Variants in PPM1B observed in about 807,000 individuals in gnomAD.
The protein encoded by PPM1B is protein phosphatase, Mg2+/Mn2+ dependent 1B.
PPM1B carries 22 observed loss-of-function variants against 43.0 expected under a neutral mutation model. The ratio of observed to expected loss-of-function variants is 0.51; its 90% confidence interval spans 0.37 to 0.73. The LOEUF is 0.73. PPM1B is among the 30% of genes least tolerant of loss of function. The pLI is 0.00. For missense variants in PPM1B, 632 were observed against 584.2 expected (o/e 1.08, Z -0.84); for synonymous variants, 217 against 197.9 (o/e 1.10, Z -0.81).
chr2:44,213,267 A>G (rs1000045112), intron 3 of PPM1B, among the ~76,000 whole-genome samples: 1 of 151,394 alleles, frequency 6.6e-6, no homozygotes, highest in Non-Finnish European at 1.5e-5. Flanking sequence ...GAGGACTTTG[A>G]TATCATACCA....
chr2:44,181,472 G>A (rs1327925069), intron 1 of PPM1B, among the ~76,000 whole-genome samples: 1 of 152,194 alleles, frequency 6.6e-6, no homozygotes, highest in Non-Finnish European at 1.5e-5. Context: ...TCTGTAGGTG[G>A]ATTAGAGGAA....
rs1668923027 is a variant in PPM1B, at chr2:44,201,321, C to T, written c.122C>T (p.Thr41Ile). ...GWRVEMEDAH[T>I]AVVGIPHGLE... ...AGAGTGGAAATGGAAGATGCACACA[C>T]AGCTGTTGTAGGTATTCCTCACGGC... The change falls in exon 2 of 6, where the codon ACA becomes ATA. Residue 41 changes from threonine (T) to isoleucine (I), a missense_variant. This residue lies in a region of PPM1B where 200 missense variants were observed against 200.7 expected (regional missense o/e 1.00). Coordinates refer to ENST00000282412, the MANE Select transcript of PPM1B (RefSeq NM_002706.6). This position sits in a 1 kb window ranked among gnomAD's most constrained non-coding sequence, Gnocchi z 5.4. 1 of 1,614,082 alleles carries T rather than the reference C, an allele frequency of 6.2e-7. No individual in the cohort carries two copies. The highest frequency in any genetic ancestry group is 8.5e-7 in the Non-Finnish European group (1 of 1,180,042).
In PPM1B at chr2:44,208,636, C is replaced by T. The variant is rs762496219; in HGVS notation, c.847-574C>T. ...GCTGAGGCAGGAGAATTGCTTGAACCTGGGAGGCGGAGGTTGCAGTGAGCC... is the reference window on the plus strand; with the variant it reads ...GCTGAGGCAGGAGAATTGCTTGAACTTGGGAGGCGGAGGTTGCAGTGAGCC... On this transcript the variant is annotated intron_variant, in intron 2 of 5. Transcript: ENST00000282412. Among the ~76,000 whole-genome samples, 6 of 152,160 alleles carry T rather than the reference C, an allele frequency of 3.9e-5. No individual in the cohort carries two copies. The East Asian group carries it at 7.7e-4, about 20-fold the overall frequency.
At chr2:44,224,983 C>T (rs1319841010) in intron 5 of PPM1B, among the ~76,000 whole-genome samples, 2 of 152,122 alleles carry the variant, frequency 1.3e-5, no homozygotes, top group African/African-American at 2.4e-5. Context: ...ATGTATTCAA[C>T]AGAGCGCAAA....
At chr2:44,228,002 A>C (rs562971646) in intron 5 of PPM1B, among the ~76,000 whole-genome samples, 17 of 142,920 alleles carry the variant, frequency 1.2e-4, no homozygotes, top group African/African-American at 4.2e-4. Context: ...GGTCACTGCA[A>C]CCTCCGCCCT....
At chr2:44,190,142 T>A (rs1668336118) in intron 1 of PPM1B, among the ~76,000 whole-genome samples, 1 of 149,316 alleles carries the variant, frequency 6.7e-6, no homozygotes, top group Admixed American at 7.0e-5. Context: ...GTAGAGAAAT[T>A]TGAGTTTATT....
intron 2 of PPM1B, 107 bp downstream of exon 2, chr2:44,202,152 G>A (rs1668969544): frequency 2.6e-6 from 3 of 1,138,946 alleles, no homozygotes; most frequent in Non-Finnish European, 3.5e-6. Context: ...TTTCACAGAA[G>A]CTGTATATTT....
downstream of PPM1B, among the ~76,000 whole-genome samples, chr2:44,236,679 G>T (rs923783177): frequency 2.6e-5 from 4 of 152,150 alleles, no homozygotes; most frequent in Non-Finnish European, 5.9e-5. Flanking sequence ...AATATATGGT[G>T]CCCAAGTCTT....
downstream of PPM1B, among the ~76,000 whole-genome samples, chr2:44,244,736 G>C (rs2104298964): frequency 6.7e-6 from 1 of 149,930 alleles, no homozygotes; most frequent in East Asian, 2.0e-4. Context: ...ATACAAATCT[G>C]AATAACTCTT....
intron 1 of PPM1B, among the ~76,000 whole-genome samples, chr2:44,179,711 T>A (rs896804357): frequency 6.6e-6 from 1 of 152,124 alleles, no homozygotes; most frequent in Non-Finnish European, 1.5e-5. Flanking sequence ...ATGGTGCTAA[T>A]TAAAGACTTT....
intron 3 of PPM1B, among the ~76,000 whole-genome samples, chr2:44,210,253 G>C (rs1669396726): frequency 7.7e-6 from 1 of 130,372 alleles, no homozygotes; most frequent in African/African-American, 2.9e-5. Context: ...GTCTTGCTCT[G>C]TTGCCTAGGC....
chr2:44,236,674 A>G (rs1670632974), downstream of PPM1B, among the ~76,000 whole-genome samples: 1 of 152,182 alleles, frequency 6.6e-6, no homozygotes. Context: ...AGAGGAATAT[A>G]TGGTGCCCAA....
chr2:44,180,952 G>GTGTTT (rs1040413139), intron 1 of PPM1B, among the ~76,000 whole-genome samples: 2 of 152,110 alleles, frequency 1.3e-5, no homozygotes, highest in South Asian at 2.1e-4. Flanking sequence ...GGTGGAAGAA[G>GTGTTT]TGTTTTGTTT....
At chr2:44,205,234 T>C (rs1236413824) in intron 2 of PPM1B, among the ~76,000 whole-genome samples, 2 of 152,194 alleles carry the variant, frequency 1.3e-5, no homozygotes, top group Admixed American at 1.3e-4. Context: ...CCATAAGTCA[T>C]ATACTTGGTG....
intron 2 of PPM1B, among the ~76,000 whole-genome samples, chr2:44,208,151 G>T (rs1172148018): frequency 6.6e-5 from 10 of 151,952 alleles, no homozygotes. Flanking sequence ...GCCTCCCAAA[G>T]TGCTGGGATT....
rs1287548102 is a variant in PPM1B, at chr2:44,169,088, A to AGGCGGCAGC, written c.-194_-193insGCGGCGGCA. Reference sequence around the variant, plus strand: ...CGGCAACGGCGCTAGGGTGGAGAGAAGGCGGCATCGGCGGCGGCGGCGGCG... The same window carrying AGGCGGCAGC: ...CGGCAACGGCGCTAGGGTGGAGAGAAGGCGGCAGCGGCGGCATCGGCGGCGGCGGCGGCG... On this transcript the variant is annotated 5_prime_UTR_variant, in exon 1 of 6. Coordinates refer to ENST00000282412, the MANE Select transcript of PPM1B (RefSeq NM_002706.6). 1,024 of 185,106 alleles carry AGGCGGCAGC rather than the reference A, an allele frequency of 5.5e-3. 11 individuals carry two copies. The highest frequency in any genetic ancestry group is 0.023 in the African/African-American group (971 of 41,636). The allele number at this position is 185,106 out of a possible 1,614,324, so 11.5% of individuals were successfully genotyped here. A position where few individuals can be genotyped will look rare whatever the true frequency, so the allele number is the denominator to read the frequency against.
intron 1 of PPM1B, among the ~76,000 whole-genome samples, chr2:44,179,302 T>C (rs1043858437): frequency 3.3e-5 from 5 of 152,228 alleles, no homozygotes; most frequent in Non-Finnish European, 2.9e-5. Flanking sequence ...TATGTCTTTA[T>C]CTGCAGTGTG....
chr2:44,215,615 A>T (rs527605073), intron 3 of PPM1B, among the ~76,000 whole-genome samples: 1 of 152,292 alleles, frequency 6.6e-6, no homozygotes, highest in Non-Finnish European at 1.5e-5. Context: ...TTTAATGATG[A>T]CTGGTCAGGT....
intron 5 of PPM1B, among the ~76,000 whole-genome samples, chr2:44,242,227 T>C (rs1024695264): frequency 1.4e-4 from 21 of 152,138 alleles, no homozygotes; most frequent in African/African-American, 4.1e-4. Flanking sequence ...TCTTAACATA[T>C]AAAAGAATGG....
Sources: gnomAD v4.1 joint callset for allele counts (sites outside exome capture counted in the v4.1 genomes callset) on GRCh38, gnomAD v4.1.1 for gene constraint, gnomAD v4.1.1 regional missense constraint, Gnocchi (gnomAD v3.1) non-coding constraint, MANE v1.5 for transcripts, NCBI Gene and HGNC (gene_info 2026-07-23, HGNC 2026-07-21) for gene names.